DLC1: variants seen among roughly 807,000 people sequenced by gnomAD.
The protein encoded by DLC1 is DLC1 Rho GTPase activating protein, also known as rho GTPase-activating protein 7.
In DLC1, 54 loss-of-function variants were observed where a neutral mutation model predicts 140.3. The observed-to-expected ratio is 0.38, with a 90% CI of 0.31 to 0.48. The LOEUF (loss-of-function observed/expected upper bound fraction) is 0.48. Ranked by LOEUF, DLC1 falls within the 20% of genes least tolerant of loss-of-function variation. The probability of loss-of-function intolerance (pLI) is 0.96; values close to 1 mark genes in which losing one functional copy is unlikely to be tolerated. For missense variants in DLC1, 2,536 were observed against 1,907.0 expected (o/e 1.33, Z -6.14); for synonymous variants, 986 against 728.1 (o/e 1.35, Z -5.70).
At chr8:13,466,996 T>C (rs1316467462) in intron 2 of DLC1, among the ~76,000 whole-genome samples, 1 of 151,792 alleles carries the variant, frequency 6.6e-6, no homozygotes, top group Non-Finnish European at 1.5e-5. Context: ...GAGTATGACA[T>C]ATCCCTCTAC....
At chr8:13,154,201 G>A (rs537455954) in intron 5 of DLC1, among the ~76,000 whole-genome samples, 64 of 152,352 alleles carry the variant, frequency 4.2e-4, no homozygotes, top group Non-Finnish European at 7.6e-4. Context: ...TGCCAGGGCC[G>A]CACCAGGTGC....
intron 5 of DLC1, among the ~76,000 whole-genome samples, chr8:13,289,713 AG>A (rs1231966359): frequency 1.3e-5 from 2 of 152,226 alleles, no homozygotes; most frequent in Admixed American, 1.3e-4. Context: ...GGGGAGGAGA[AG>A]GGGGTATACA....
intron 5 of DLC1, among the ~76,000 whole-genome samples, chr8:13,120,370 T>TATATATATATATATAA (rs369581778): frequency 0.011 from 1,221 of 110,718 alleles, 20 homozygotes; most frequent in East Asian, 0.047. Context: ...TATATATATA[T>TATATATATATATATAA]AAAATGTATA....
At position 13,567,049 on chromosome 8, in the gene DLC1, G is replaced by A. The variant is rs577627190; in HGVS notation, c.-126+37488C>T. 5.3e-5 allele frequency: 83 copies of A among 1,551,718 alleles called. No homozygotes were observed. The African/African-American group carries it at 1.0e-3, about 19-fold the overall frequency. On this transcript the variant is annotated intron_variant, in intron 1 of 1. Coordinates refer to the DLC1 transcript ENST00000631382. Reference sequence around the variant, plus strand: ...CAAAAGTGCTCTTGCAAACCTTTCTGATGAGACTGAGACTTTGAAGAACTC... The same window carrying A: ...CAAAAGTGCTCTTGCAAACCTTTCTAATGAGACTGAGACTTTGAAGAACTC...
intron 1 of DLC1, among the ~76,000 whole-genome samples, chr8:13,563,011 A>G (rs1804296298): frequency 1.3e-5 from 2 of 152,196 alleles, no homozygotes; most frequent in Admixed American, 1.3e-4. Flanking sequence ...TTTTCAAAAC[A>G]TTTTTGAAAG....
chr8:13,444,675 G>C (rs1308505180), intron 2 of DLC1, among the ~76,000 whole-genome samples: 10 of 152,110 alleles, frequency 6.6e-5, no homozygotes. Context: ...TCTTGACACA[G>C]TTATTTTTCA....
At chr8:13,361,328 C>T (rs1346478160) in intron 4 of DLC1, among the ~76,000 whole-genome samples, 3 of 152,080 alleles carry the variant, frequency 2.0e-5, no homozygotes, top group African/African-American at 7.2e-5. Flanking sequence ...CTTAATAGCT[C>T]ACTGTAGCCT....
intron 1 of DLC1, among the ~76,000 whole-genome samples, chr8:13,571,937 T>A (rs1804667260): frequency 6.6e-6 from 1 of 152,194 alleles, no homozygotes; most frequent in African/African-American, 2.4e-5. Flanking sequence ...GTACTTTGAC[T>A]TATAATTTCC....
At chr8:13,532,524 C>T (rs533443873) in intron 1 of DLC1, among the ~76,000 whole-genome samples, 1 of 152,316 alleles carries the variant, frequency 6.6e-6, no homozygotes, top group East Asian at 1.9e-4. Flanking sequence ...ACTCACTTGT[C>T]AGAGTCCCCA....
intron 5 of DLC1, among the ~76,000 whole-genome samples, chr8:13,138,697 A>G (rs1290310260): frequency 6.6e-6 from 1 of 152,216 alleles, no homozygotes; most frequent in Admixed American, 6.5e-5. Context: ...GCTGTCCTTA[A>G]AACATTCATT....
At chr8:13,581,513 A>C (rs568093019) in intron 1 of DLC1, among the ~76,000 whole-genome samples, 1 of 152,334 alleles carries the variant, frequency 6.6e-6, no homozygotes, top group East Asian at 1.9e-4. Flanking sequence ...CCAATCCAAC[A>C]GCTAACCCTG....
intron 1 of DLC1, among the ~76,000 whole-genome samples, chr8:13,565,951 T>C (rs1804413559): frequency 6.6e-6 from 1 of 152,184 alleles, no homozygotes; most frequent in Admixed American, 6.5e-5. Context: ...TAGAGTTCCC[T>C]GAACTTATAG....
chr8:13,158,762 T>A (rs1183194269), intron 5 of DLC1, among the ~76,000 whole-genome samples: 1 of 34,308 alleles, frequency 2.9e-5, no homozygotes, highest in Non-Finnish European at 6.4e-5. Context: ...GCCACACATC[T>A]CTCCTCTTTT....
chr8:13,566,994 G>A, intron 1 of DLC1: 1 of 1,542,884 alleles, frequency 6.5e-7, no homozygotes, highest in African/African-American at 1.4e-5. Flanking sequence ...GCATTGTGAT[G>A]GCCATCTGCC....
At position 13,569,362 on chromosome 8, in the gene DLC1, ATT is replaced by A. The variant is rs5889454; in HGVS notation, c.-126+35173_-126+35174del. ...ACCTTCATTTATGTATAAAGATACTATTTTTTTCCCCCATAAAATTTAGCATA... is the reference window on the plus strand; with the variant it reads ...ACCTTCATTTATGTATAAAGATACTATTTTTCCCCCATAAAATTTAGCATA... On this transcript the variant is annotated intron_variant, in intron 1 of 1. Transcript: ENST00000631382. Among the ~76,000 whole-genome samples, 450 of 152,160 alleles carry A rather than the reference ATT, an allele frequency of 3.0e-3. 1 individual carries two copies. The highest frequency in any genetic ancestry group is 4.1e-3 in the South Asian group (20 of 4,820).
At chr8:13,261,607 G>T (rs1403177761) in intron 5 of DLC1, among the ~76,000 whole-genome samples, 1 of 152,156 alleles carries the variant, frequency 6.6e-6, no homozygotes, top group African/African-American at 2.4e-5. Flanking sequence ...ACAGGTGCGA[G>T]GCAACCGTGT....
At chr8:13,462,116 TC>T (rs1306626831) in intron 2 of DLC1, among the ~76,000 whole-genome samples, 7 of 152,146 alleles carry the variant, frequency 4.6e-5, no homozygotes, top group African/African-American at 1.4e-4. Context: ...CCAGCCTTTT[TC>T]TAGGAGGACA....
At chr8:13,412,594 T>C (rs895319690) in intron 2 of DLC1, among the ~76,000 whole-genome samples, 6 of 152,164 alleles carry the variant, frequency 3.9e-5, no homozygotes, top group Non-Finnish European at 8.8e-5. Context: ...CAGATTCACA[T>C]GCACTGACAG....
chr8:13,198,425 TAG>T (rs1391560641), intron 5 of DLC1, among the ~76,000 whole-genome samples: 2 of 152,212 alleles, frequency 1.3e-5, no homozygotes, highest in Non-Finnish European at 2.9e-5. Flanking sequence ...CTTTGTATCG[TAG>T]AGTCATTTCA....
Sources: gnomAD v4.1 joint callset for allele counts (sites outside exome capture counted in the v4.1 genomes callset) on GRCh38, gnomAD v4.1.1 for gene constraint, MANE v1.5 for transcripts, NCBI Gene and HGNC (gene_info 2026-07-23, HGNC 2026-07-21) for gene names.